Variants in CPED1 observed in about 807,000 individuals in gnomAD.
CPED1 encodes cadherin like and PC-esterase domain containing 1.
CPED1 carries 114 observed loss-of-function variants against 128.2 expected under a neutral mutation model. That is an observed-to-expected ratio of 0.89 (90% confidence interval 0.76 to 1.04). The LOEUF (loss-of-function observed/expected upper bound fraction) is 1.04. CPED1 is among the 50% of genes least tolerant of loss of function. CPED1 has a pLI of 0.00. For synonymous variants in CPED1, 462 were observed against 426.7 expected (o/e 1.08, Z -1.02); for missense variants, 1,211 against 1,207.1 (o/e 1.00, Z -0.05).
chr7:121,026,781 C>A (rs534501779), intron 3 of CPED1, among the ~76,000 whole-genome samples: 2 of 148,880 alleles, frequency 1.3e-5, no homozygotes, highest in South Asian at 4.3e-4. Context: ...TTCTGCCTTG[C>A]ATTGATGTTG....
intron 16 of CPED1, among the ~76,000 whole-genome samples, chr7:121,175,927 G>T (rs1267973463): frequency 1.3e-5 from 2 of 152,116 alleles, no homozygotes; most frequent in East Asian, 1.9e-4. Flanking sequence ...TGGACCAAGG[G>T]ATATGGTTCA....
At chr7:121,056,895 T>C (rs1563008524) in intron 4 of CPED1, among the ~76,000 whole-genome samples, 1 of 152,178 alleles carries the variant, frequency 6.6e-6, no homozygotes. Flanking sequence ...AAACCTTGAG[T>C]ATTTATTATT....
At chr7:121,196,592 G>A (rs1797277896) in intron 16 of CPED1, among the ~76,000 whole-genome samples, 1 of 152,132 alleles carries the variant, frequency 6.6e-6, no homozygotes, top group East Asian at 1.9e-4. Context: ...TCTCCCAGCT[G>A]TGAGAATTAA....
At chr7:121,038,399 G>A (rs1190171603) in intron 3 of CPED1, among the ~76,000 whole-genome samples, 3 of 151,962 alleles carry the variant, frequency 2.0e-5, no homozygotes, top group Non-Finnish European at 4.4e-5. Flanking sequence ...GAATTTATTT[G>A]TGGAAGAATG....
At chr7:120,990,272 G>A (rs555931389) in intron 2 of CPED1, among the ~76,000 whole-genome samples, 1 of 152,140 alleles carries the variant, frequency 6.6e-6, no homozygotes, top group Non-Finnish European at 1.5e-5. Context: ...CAGTATGAGT[G>A]CCCAGACCAT....
chr7:121,098,195 T>A (rs1794747406), intron 6 of CPED1, among the ~76,000 whole-genome samples: 1 of 151,964 alleles, frequency 6.6e-6, no homozygotes, highest in Non-Finnish European at 1.5e-5. Context: ...TTTTCTGCTA[T>A]TTTTTTTATG....
At chr7:121,290,492 C>T (rs990706853) in intron 22 of CPED1, among the ~76,000 whole-genome samples, 4 of 152,060 alleles carry the variant, frequency 2.6e-5, no homozygotes, top group East Asian at 1.9e-4. Context: ...TTTTAATGAT[C>T]GCCATTCTAA....
chr7:121,136,996 A>T lies in CPED1; in HGVS notation c.1699+906A>T, dbSNP rs1160070586. On this transcript the variant is annotated intron_variant, in intron 14 of 22. Coordinates refer to ENST00000310396, the MANE Select transcript of CPED1 (RefSeq NM_024913.5). ...GTTCTATATAGCAAGATTTTTCTTG[A>T]TAATGTATACCTTAAAATATATATA... Among the ~76,000 whole-genome samples, 3 of 152,028 alleles carry T rather than the reference A, an allele frequency of 2.0e-5. 1 individual carries two copies.
At chr7:121,020,569 T>A (rs895136137) in intron 3 of CPED1, among the ~76,000 whole-genome samples, 3 of 151,984 alleles carry the variant, frequency 2.0e-5, no homozygotes, top group African/African-American at 7.2e-5. Flanking sequence ...ACTCTAGGAC[T>A]GAGATGTTTC....
intron 10 of CPED1, among the ~76,000 whole-genome samples, chr7:121,127,964 T>A (rs1402023390): frequency 6.6e-6 from 1 of 152,224 alleles, no homozygotes; most frequent in Non-Finnish European, 1.5e-5. Context: ...TTAGAACTCT[T>A]TGGAGGCAGT....
chr7:121,271,305 A>C lies in CPED1; in HGVS notation c.2743A>C (p.Lys915Gln). ...TCAGAGTGAAGTACAGAACTTATGG[A>C]AAGAAAATTTGATTATTCTGGATAC... ...LTQSEVQNLW[K>Q]ENLIILDTAK... The change falls in exon 22 of 23, where the codon AAA becomes CAA. Residue 915 changes from lysine (K) to glutamine (Q), a missense_variant. Physicochemically the swap from Lys to Gln is moderately conservative, Grantham distance 53. Transcript: ENST00000310396. 6.2e-7 allele frequency: 1 copy of C among 1,612,024 alleles called. No individual in the cohort carries two copies. Among genetic ancestry groups the C allele is most frequent in the South Asian group, 1.1e-5 (1 of 90,856 alleles).
chr7:121,047,481 C>A (rs1390574473), intron 4 of CPED1, among the ~76,000 whole-genome samples: 1 of 152,006 alleles, frequency 6.6e-6, no homozygotes, highest in Non-Finnish European at 1.5e-5. Context: ...CCAATGTTTA[C>A]CATGTGCTAA....
At chr7:121,257,015 A>G (rs1160772232) in intron 18 of CPED1, among the ~76,000 whole-genome samples, 1 of 152,072 alleles carries the variant, frequency 6.6e-6, no homozygotes, top group African/African-American at 2.4e-5. Flanking sequence ...TGAGAGCTAA[A>G]CATTAAGCAG....
In CPED1 at chr7:120,989,530, G is replaced by T; in HGVS notation, c.-92G>T. ...AAACTTGATTGGAGTTGGGGAAAAA[G>T]AAGACAGATTAGTATTTTTCATGCT... On this transcript the variant is annotated 5_prime_UTR_variant, in exon 2 of 23. Coordinates refer to ENST00000310396, the MANE Select transcript of CPED1 (RefSeq NM_024913.5). The T allele has an allele frequency of 6.7e-7, 1 of 1,494,284 alleles. No homozygotes were observed. The highest frequency in any genetic ancestry group is 9.1e-7 in the Non-Finnish European group (1 of 1,103,454). The allele number at this position is 1,494,284 out of a possible 1,614,324, so 92.6% of individuals were successfully genotyped here.
intron 16 of CPED1, among the ~76,000 whole-genome samples, chr7:121,208,757 G>A (rs1347045980): frequency 1.3e-5 from 2 of 152,008 alleles, no homozygotes; most frequent in Admixed American, 6.6e-5. Flanking sequence ...TTTCACAGGC[G>A]AACTCCACAG....
chr7:121,047,677 T>TTCCTCTTCCTCTTCCTCTTCC (rs1793238396), intron 4 of CPED1, among the ~76,000 whole-genome samples: 1 of 11,266 alleles, frequency 8.9e-5, no homozygotes, highest in African/African-American at 2.2e-4. Context: ...CTTCTTCTTC[T>TTCCTCTTCCTCTTCCTCTTCC]TCTTCTTCTT....
intron 16 of CPED1, among the ~76,000 whole-genome samples, chr7:121,159,065 T>C (rs1796354085): frequency 6.6e-6 from 1 of 152,162 alleles, no homozygotes; most frequent in Non-Finnish European, 1.5e-5. Flanking sequence ...GTGTAAACAA[T>C]TATGAATATC....
chr7:121,005,607 C>T lies in CPED1; in HGVS notation c.250-10058C>T, dbSNP rs1312073075. ...GGTACATGTATACCTATGTAACAAA[C>T]CTGCACGTTCTGCACATGTATCCCA... On this transcript the variant is annotated intron_variant, in intron 2 of 22. Transcript: ENST00000310396. Among the ~76,000 whole-genome samples, 3 of 151,914 alleles carry T rather than the reference C, an allele frequency of 2.0e-5. No individual in the cohort carries two copies. In the East Asian group the frequency reaches 5.8e-4, roughly 29 times the overall value.
At chr7:121,201,260 C>G (rs915801554) in intron 16 of CPED1, among the ~76,000 whole-genome samples, 1 of 151,940 alleles carries the variant, frequency 6.6e-6, no homozygotes, top group African/African-American at 2.4e-5. Context: ...TGGTAACACC[C>G]CGCTCCACCA....
Sources: allele counts gnomAD v4.1 joint callset (sites outside exome capture counted in the v4.1 genomes callset), GRCh38; gene constraint gnomAD v4.1.1; transcripts MANE v1.5; gene names NCBI Gene and HGNC (gene_info 2026-07-23, HGNC 2026-07-21).